DNM1L: variants seen among roughly 807,000 people sequenced by gnomAD.
The protein encoded by DNM1L is dynamin-1-like protein.
DNM1L carries 33 observed loss-of-function variants against 92.8 expected under a neutral mutation model. The observed-to-expected ratio is 0.36, with a 90% CI of 0.27 to 0.48. The LOEUF (loss-of-function observed/expected upper bound fraction) is 0.48, where lower values mean the gene tolerates loss of function less well. Ranked by LOEUF, DNM1L falls within the 20% of genes least tolerant of loss-of-function variation. DNM1L has a pLI of 0.99. For missense variants in DNM1L, 485 were observed against 888.8 expected (o/e 0.55, Z 5.78); for synonymous variants, 284 against 305.0 (o/e 0.93, Z 0.72).
chr12:32,736,233 G>A (rs539900005), intron 13 of DNM1L, among the ~76,000 whole-genome samples: 23 of 151,960 alleles, frequency 1.5e-4, no homozygotes, highest in South Asian at 6.3e-4. Flanking sequence ...CACCATGCCT[G>A]GCTAATTTTT....
At chr12:32,733,925 C>G in intron 13 of DNM1L, 118 bp downstream of exon 13, 1 of 875,204 alleles carries the variant, frequency 1.1e-6, no homozygotes, top group Non-Finnish European at 1.9e-6. Flanking sequence ...TTAGTGCCTG[C>G]TGCATGTCAG....
intron 1 of DNM1L, among the ~76,000 whole-genome samples, chr12:32,688,219 G>A (rs1344447984): frequency 6.6e-6 from 1 of 152,136 alleles, no homozygotes; most frequent in Admixed American, 6.5e-5. Context: ...GCCACTGTGT[G>A]GGCCCCGTAT....
At chr12:32,721,656 A>G (rs150861362) in intron 8 of DNM1L, among the ~76,000 whole-genome samples, 1 of 152,212 alleles carries the variant, frequency 6.6e-6, no homozygotes, top group African/African-American at 2.4e-5. Flanking sequence ...ATTCTAGCTG[A>G]ATGTCCTTTA....
chr12:32,679,950 G>GT, intron 1 of DNM1L: 1 of 985,670 alleles, frequency 1.0e-6, no homozygotes, highest in Non-Finnish European at 1.2e-6. Flanking sequence ...TGCGGAGTTA[G>GT]TTTTGGAATC....
Position 32,742,498 on chromosome 12 carries a change from C to A in DNM1L, c.1995-91C>A, listed in dbSNP as rs950096804. 4 of 1,493,066 alleles carry A rather than the reference C, an allele frequency of 2.7e-6. No individual in the cohort carries two copies. The African/African-American group carries it at 5.5e-5, about 21-fold the overall frequency. The allele number at this position is 1,493,066 out of a possible 1,614,324, so 92.5% of individuals were successfully genotyped here. On this transcript the variant is annotated intron_variant, in intron 18 of 19. Coordinates refer to ENST00000549701, the MANE Select transcript of DNM1L (RefSeq NM_012062.5). ...AATATCCAAAGTAGTAGTGTTCTTA[C>A]TTAACTTTATTTCATGAGGTTAGCA... is the stretch of plus-strand genomic sequence containing the variant.
chr12:32,737,039 A>C, intron 13 of DNM1L, 66 bp from the exon 14 acceptor site: 3 of 1,566,654 alleles, frequency 1.9e-6, no homozygotes, highest in Non-Finnish European at 2.6e-6. Context: ...ATTAACATGA[A>C]CATTTTTTAG....
chr12:32,701,120 C>CA (rs996261894), intron 1 of DNM1L, among the ~76,000 whole-genome samples: 16 of 152,028 alleles, frequency 1.1e-4, no homozygotes, highest in African/African-American at 3.9e-4. Flanking sequence ...ACTAAAAATA[C>CA]AAAAAATTAG....
At chr12:32,737,496 T>C in intron 14 of DNM1L, 1 of 379,446 alleles carries the variant, frequency 2.6e-6, no homozygotes, top group South Asian at 3.0e-5. Context: ...GAGGGTTTCT[T>C]GGAAAAAACA....
intron 2 of DNM1L, chr12:32,705,776 T>C: frequency 3.2e-6 from 5 of 1,545,666 alleles, no homozygotes; most frequent in Non-Finnish European, 3.5e-6. Context: ...GTTTAAAATT[T>C]TAGGGATAAG....
intron 1 of DNM1L, among the ~76,000 whole-genome samples, chr12:32,688,437 C>G (rs996702142): frequency 6.6e-6 from 1 of 152,086 alleles, no homozygotes; most frequent in Non-Finnish European, 1.5e-5. Flanking sequence ...TCTTTGAAAA[C>G]AAGTTTATTA....
Position 32,738,272 on chromosome 12 carries a change from G to C in DNM1L, c.1683G>C (p.Gln561His). Residue 561 changes from glutamine to histidine, a missense_variant, in exon 16 of 20, where the codon CAG (glutamine) becomes CAC (histidine). Gln to His is a conservative substitution (Grantham distance 24). This residue lies in a region of DNM1L where 133 missense variants were observed against 210.9 expected (regional missense o/e 0.63). Coordinates refer to ENST00000549701, the MANE Select transcript of DNM1L (RefSeq NM_012062.5). ...ASAEADGKLI[Q>H]DSRRETKNVA... Reference sequence around the variant, plus strand: ...AACATATCTTTTAACAGTTAATTCAGGACAGCAGAAGAGAAACTAAAAATG... The same window carrying C: ...AACATATCTTTTAACAGTTAATTCACGACAGCAGAAGAGAAACTAAAAATG... The C allele has an allele frequency of 6.2e-7, 1 of 1,613,548 alleles. No homozygotes were observed. Among genetic ancestry groups the C allele is most frequent in the South Asian group, 1.1e-5 (1 of 91,044 alleles).
chr12:32,743,517 C>A lies in DNM1L; in HGVS notation c.*107C>A. 1 of 1,087,064 alleles carries A rather than the reference C, an allele frequency of 9.2e-7. No individual in the cohort carries two copies. Among genetic ancestry groups the A allele is most frequent in the Non-Finnish European group, 1.4e-6 (1 of 719,620 alleles). The allele number at this position is 1,087,064 out of a possible 1,614,324, so 67.3% of individuals were successfully genotyped here. On this transcript the variant is annotated 3_prime_UTR_variant, in exon 20 of 20. Transcript: ENST00000549701. Reference sequence around the variant, plus strand: ...TCCTGTGTATTGCAATGGTATGAATCTGCTCATGTGGAGACTGGCTATAAA... The same window carrying A: ...TCCTGTGTATTGCAATGGTATGAATATGCTCATGTGGAGACTGGCTATAAA...
chr12:32,727,013 A>G (rs1954191820), intron 9 of DNM1L: 2 of 742,560 alleles, frequency 2.7e-6, no homozygotes, highest in Admixed American at 3.8e-5. Flanking sequence ...GAAGCATATC[A>G]CTGAGCAAGT....
intron 9 of DNM1L, among the ~76,000 whole-genome samples, chr12:32,725,909 G>A (rs1218517469): frequency 2.1e-5 from 3 of 144,274 alleles, no homozygotes; most frequent in Admixed American, 6.9e-5. Flanking sequence ...CTGGCATGCC[G>A]GTTTTTTTTT....
intron 9 of DNM1L, among the ~76,000 whole-genome samples, chr12:32,724,593 A>AATATAT (rs869170631): frequency 1.1e-3 from 72 of 66,626 alleles, no homozygotes; most frequent in South Asian, 3.9e-3. Context: ...AAAAAAAAAA[A>AATATAT]ATATATATAT....
At chr12:32,723,117 G>A (rs1277807677) in intron 9 of DNM1L, among the ~76,000 whole-genome samples, 1 of 151,660 alleles carries the variant, frequency 6.6e-6, no homozygotes, top group African/African-American at 2.4e-5. Context: ...TCCAGCCTGG[G>A]CAACATATTG....
intron 13 of DNM1L, among the ~76,000 whole-genome samples, chr12:32,735,917 A>T (rs1043832545): frequency 1.3e-5 from 2 of 151,964 alleles, no homozygotes; most frequent in African/African-American, 4.8e-5. Context: ...GCTTTAACTT[A>T]TATTTTTTTG....
intron 14 of DNM1L, chr12:32,737,616 T>C: frequency 4.2e-6 from 2 of 481,166 alleles, no homozygotes; most frequent in Non-Finnish European, 3.7e-6. Context: ...AAGAATCTTA[T>C]TAAATACCAA....
At chr12:32,726,942 G>A (rs1454457648) in intron 9 of DNM1L, 2 of 717,396 alleles carry the variant, frequency 2.8e-6, no homozygotes, top group African/African-American at 3.5e-5. Context: ...AGGCAGGCCA[G>A]CATCTGAGAA....
Sources: gnomAD v4.1 joint callset for allele counts (sites outside exome capture counted in the v4.1 genomes callset) on GRCh38, gnomAD v4.1.1 for gene constraint, gnomAD v4.1.1 regional missense constraint, MANE v1.5 for transcripts, NCBI Gene and HGNC (gene_info 2026-07-23, HGNC 2026-07-21) for gene names.